The following ALK variants were observed in gnomAD, a reference collection of about 807,000 sequenced individuals.
The protein encoded by ALK is ALK receptor tyrosine kinase, also known as ALK tyrosine kinase receptor.
In ALK, 74 loss-of-function variants were observed where a neutral mutation model predicts 163.1. The ratio of observed to expected loss-of-function variants is 0.45; its 90% CI spans 0.38 to 0.55. ALK has a LOEUF of 0.55. Ranked by LOEUF, ALK falls within the 20% of genes least tolerant of loss-of-function variation. The pLI is 0.00. For synonymous variants in ALK, 960 were observed against 843.2 expected (o/e 1.14, Z -2.40); for missense variants, 2,063 against 2,105.3 (o/e 0.98, Z 0.39).
At chr2:29,630,763 G>A (rs1219360807) in intron 3 of ALK, among the ~76,000 whole-genome samples, 1 of 151,358 alleles carries the variant, frequency 6.6e-6, no homozygotes, top group Non-Finnish European at 1.5e-5. Context: ...TGTTGTCTAC[G>A]TCTTTGAGGA....
chr2:29,691,731 T>C (rs1678403126), intron 3 of ALK, among the ~76,000 whole-genome samples: 1 of 152,154 alleles, frequency 6.6e-6, no homozygotes, highest in Non-Finnish European at 1.5e-5. Context: ...GCACTCAGTG[T>C]ATTGTGCGCA....
intron 23 of ALK, among the ~76,000 whole-genome samples, chr2:29,217,129 GGTGT>G (rs146323322): frequency 0.21 from 29,420 of 138,000 alleles, 4,557 homozygotes; most frequent in East Asian, 0.74. Flanking sequence ...GGGCGTGTGT[GGTGT>G]GTGTGTGTGT....
At position 29,920,145 on chromosome 2, in the gene ALK, T is replaced by A. The variant is rs2148443083; in HGVS notation, c.515A>T (p.Glu172Val). The stretch of plus-strand genomic sequence containing the variant: ...TTGGCGAATCCACCAACTGAACAGC[T>A]CGCTGAGATTGAACTGGAGCAGCCC... Reference protein sequence around the residue: ...AVGLLQFNLSELFSWWIRQGE... With the variant: ...AVGLLQFNLSVLFSWWIRQGE... The change falls in exon 1 of 29, where the codon GAG becomes GTG. Residue 172 changes from glutamate (E) to valine (V), a missense_variant. Glu to Val is a moderately radical substitution (Grantham distance 121). Coordinates refer to ENST00000389048, the MANE Select transcript of ALK (RefSeq NM_004304.5). 6.2e-7 allele frequency: 1 copy of A among 1,613,774 alleles called. No homozygotes were observed. The highest frequency in any genetic ancestry group is 8.5e-7 in the Non-Finnish European group (1 of 1,180,028).
intron 4 of ALK, among the ~76,000 whole-genome samples, chr2:29,521,126 G>T (rs551101383): frequency 6.6e-6 from 1 of 152,178 alleles, no homozygotes; most frequent in African/African-American, 2.4e-5. Flanking sequence ...AAAGCAGCAT[G>T]GCCCACAGGT....
intron 4 of ALK, among the ~76,000 whole-genome samples, chr2:29,526,387 T>C (rs926011480): frequency 6.6e-6 from 1 of 152,216 alleles, no homozygotes; most frequent in African/African-American, 2.4e-5. Flanking sequence ...TGATTGCTCC[T>C]GTAACAAGGT....
At chr2:29,683,213 A>C (rs1573553000) in intron 3 of ALK, among the ~76,000 whole-genome samples, 1 of 151,770 alleles carries the variant, frequency 6.6e-6, no homozygotes, top group Admixed American at 6.6e-5. Flanking sequence ...CCCGTCTCTA[A>C]TAAAAATACA....
At chr2:29,624,592 A>T (rs1186432518) in intron 3 of ALK, among the ~76,000 whole-genome samples, 1 of 152,114 alleles carries the variant, frequency 6.6e-6, no homozygotes, top group African/African-American at 2.4e-5. Context: ...GGCCTGCTGG[A>T]GCAGGGGATG....
intron 9 of ALK, among the ~76,000 whole-genome samples, 176 bp downstream of exon 9, chr2:29,296,712 T>C (rs1666189521): frequency 6.6e-6 from 1 of 151,218 alleles, no homozygotes; most frequent in African/African-American, 2.4e-5. Context: ...AGAAAGTGTG[T>C]AACCTGCAGA....
chr2:29,748,543 G>C (rs1558470950), intron 1 of ALK, among the ~76,000 whole-genome samples: 1 of 152,046 alleles, frequency 6.6e-6, no homozygotes, highest in Non-Finnish European at 1.5e-5. Flanking sequence ...ACTATACATT[G>C]AATAGGAAGG....
Position 29,296,894 on chromosome 2 carries a change from G to A in ALK, c.1811C>T (p.Ser604Phe). ...QWMVLPLLDV[S>F]DRFWLQMVAW... is the part of the protein sequence containing the mutation. ...GGAGATGCATAGAGCCTACCTGTCA[G>A]ACACATCGAGGAGAGGCAACACCAT... is the stretch of plus-strand genomic sequence containing the variant. Residue 604 changes from serine (S) to phenylalanine (F), a missense_variant, in exon 9 of 29, where the codon TCT becomes TTT. Ser to Phe is a radical substitution (Grantham distance 155). Transcript: ENST00000389048. 1 of 1,614,128 alleles carries A rather than the reference G, an allele frequency of 6.2e-7. No homozygotes were observed. The highest frequency in any genetic ancestry group is 8.5e-7 in the Non-Finnish European group (1 of 1,180,018).
At chr2:29,595,726 G>A (rs1675195376) in intron 3 of ALK, among the ~76,000 whole-genome samples, 1 of 152,122 alleles carries the variant, frequency 6.6e-6, no homozygotes, top group South Asian at 2.1e-4. Context: ...GACGGAGAGA[G>A]AAAACAAAAC....
At position 29,251,107 on chromosome 2, in the gene ALK, G is replaced by A. The variant is rs2148197198; in HGVS notation, c.2202C>T (p.Tyr734=). ...CCCTCCCCCTCTTCCATACGCACCTGTAGGTGTCGGTGGCTGGCACCTTCC... is the reference window on the plus strand; with the variant it reads ...CCCTCCCCCTCTTCCATACGCACCTATAGGTGTCGGTGGCTGGCACCTTCC... ...QIWKVPATDT[Y]SISGYGAAGG... Residue 734 remains tyrosine (Y), a splice_region_variant and synonymous_variant, in exon 12 of 29, where the codon TAC becomes TAT. Transcript: ENST00000389048. 1.2e-6 allele frequency: 2 copies of A among 1,613,954 alleles called. No homozygotes were observed. The highest frequency in any genetic ancestry group is 1.3e-5 in the African/African-American group (1 of 75,040).
At chr2:29,901,768 T>C (rs1333851032) in intron 1 of ALK, among the ~76,000 whole-genome samples, 1 of 152,040 alleles carries the variant, frequency 6.6e-6, no homozygotes, top group East Asian at 1.9e-4. Context: ...GGAGAGGGGG[T>C]CAGGAAGATC....
chr2:29,672,232 T>G (rs1399587443), intron 3 of ALK, among the ~76,000 whole-genome samples: 1 of 152,010 alleles, frequency 6.6e-6, no homozygotes, highest in Non-Finnish European at 1.5e-5. Flanking sequence ...TTGTGCAGGT[T>G]AGTTACATAT....
chr2:29,872,824 A>C (rs1666613560), intron 1 of ALK, among the ~76,000 whole-genome samples: 1 of 152,228 alleles, frequency 6.6e-6, no homozygotes, highest in Non-Finnish European at 1.5e-5. Flanking sequence ...AATCTCTGCC[A>C]TAGATCTGCC....
intron 3 of ALK, among the ~76,000 whole-genome samples, chr2:29,553,741 T>A (rs116016388): frequency 6.6e-6 from 1 of 152,254 alleles, no homozygotes; most frequent in Non-Finnish European, 1.5e-5. Flanking sequence ...ACCTGTTTCA[T>A]TGCACCCCTG....
chr2:29,715,267 A>G (rs1415868219), intron 2 of ALK, among the ~76,000 whole-genome samples: 2 of 152,224 alleles, frequency 1.3e-5, no homozygotes, highest in Non-Finnish European at 2.9e-5. Context: ...ATCAATAGCA[A>G]CGATGGTGAT....
chr2:29,251,598 G>A (rs556496862), intron 11 of ALK, among the ~76,000 whole-genome samples: 1 of 152,298 alleles, frequency 6.6e-6, no homozygotes, highest in African/African-American at 2.4e-5. Flanking sequence ...CCAACACTGC[G>A]CTAGGGGAGT....
At chr2:29,276,307 C>G (rs983846479) in intron 9 of ALK, among the ~76,000 whole-genome samples, 2 of 152,186 alleles carry the variant, frequency 1.3e-5, no homozygotes, top group Non-Finnish European at 2.9e-5. Context: ...GTTTCTTTCC[C>G]CCACCCTTTC....
Sources: gnomAD v4.1 joint callset for allele counts (sites outside exome capture counted in the v4.1 genomes callset) on GRCh38, gnomAD v4.1.1 for gene constraint, MANE v1.5 for transcripts, NCBI Gene and HGNC (gene_info 2026-07-23, HGNC 2026-07-21) for gene names.